ATP11A: variants seen among roughly 807,000 people sequenced by gnomAD.
ATP11A encodes the protein phospholipid-transporting ATPase IH.
In ATP11A, 81 loss-of-function variants were observed where a neutral mutation model predicts 154.4. The observed-to-expected ratio is 0.52, with a 90% CI of 0.44 to 0.63. The LOEUF is 0.63. Among genes scored for constraint, ATP11A ranks in the 30% least tolerant of loss-of-function variants. The pLI is 0.00. For missense variants in ATP11A, 1,316 were observed against 1,474.3 expected (o/e 0.89, Z 1.76); for synonymous variants, 623 against 585.9 (o/e 1.06, Z -0.91).
intron 19 of ATP11A, 31 bp from the exon 20 acceptor site, chr13:112,855,880 A>G: frequency 6.4e-7 from 1 of 1,564,910 alleles, no homozygotes; most frequent in Non-Finnish European, 8.7e-7. Context: ...TTAGTGATTG[A>G]GCAATCTTTC....
intron 2 of ATP11A, among the ~76,000 whole-genome samples, chr13:112,797,087 C>T (rs1404925826): frequency 2.0e-5 from 3 of 151,728 alleles, no homozygotes; most frequent in South Asian, 4.2e-4. Flanking sequence ...ATGGTGAAAC[C>T]CCGTCTGTAC....
intron 14 of ATP11A, among the ~76,000 whole-genome samples, chr13:112,833,794 T>C (rs2079159635): frequency 6.6e-6 from 1 of 152,212 alleles, no homozygotes; most frequent in African/African-American, 2.4e-5. Context: ...GCTGGGTTTC[T>C]CTCTTCTTGA....
chr13:112,738,710 G>A (rs1346550297), intron 1 of ATP11A, among the ~76,000 whole-genome samples: 1 of 114,966 alleles, frequency 8.7e-6, no homozygotes, highest in Non-Finnish European at 1.8e-5. Context: ...CCACCCACCT[G>A]CCTCCCCGTC....
chr13:112,762,252 G>A (rs530551967), intron 1 of ATP11A, among the ~76,000 whole-genome samples: 14 of 152,198 alleles, frequency 9.2e-5, no homozygotes, highest in African/African-American at 1.7e-4. Context: ...CTATCACAGC[G>A]AGGTTGGAAT....
intron 8 of ATP11A, 133 bp from the exon 9 acceptor site, chr13:112,823,212 C>A: frequency 2.8e-6 from 2 of 709,154 alleles, no homozygotes; most frequent in Admixed American, 2.2e-5. Context: ...TATAAGCAAA[C>A]CTCCGTGTAT....
At chr13:112,799,930 A>G (rs1450844327) in intron 2 of ATP11A, among the ~76,000 whole-genome samples, 2 of 152,254 alleles carry the variant, frequency 1.3e-5, no homozygotes, top group Non-Finnish European at 2.9e-5. Flanking sequence ...TAAACAAAAC[A>G]CTACTAAATA....
At position 112,875,150 on chromosome 13, in the gene ATP11A, CCA is replaced by C. The variant is rs1347090294; in HGVS notation, c.3162-620_3162-619del. ...CCTGCTTCCGTTTCCCTCCTGTTGT[CCA>C]CACACCAGTTTCACTGTGCTTCCTG... is the stretch of plus-strand genomic sequence containing the variant. On this transcript the variant is annotated intron_variant, in intron 27 of 29. Transcript: ENST00000375645. This position sits in a 1 kb window ranked among gnomAD's most constrained non-coding sequence, Gnocchi z 4.1. Among the ~76,000 whole-genome samples, 1 of 152,226 alleles carries C rather than the reference CCA, an allele frequency of 6.6e-6. No homozygotes were observed. Among genetic ancestry groups the C allele is most frequent in the Non-Finnish European group, 1.5e-5 (1 of 68,036 alleles).
At chr13:112,851,603 TCTAAAACTC>T (rs1222838978) in intron 18 of ATP11A, 1 of 161,410 alleles carries the variant, frequency 6.2e-6, no homozygotes, top group African/African-American at 2.4e-5. Context: ...CTCACTGCAG[TCTAAAACTC>T]CTAGGCTCAA....
rs745345146 is a variant in ATP11A, at chr13:112,825,523, C to T, written c.966C>T (p.Pro322=). 1 of 1,613,932 alleles carries T rather than the reference C, an allele frequency of 6.2e-7. No individual in the cohort carries two copies. The highest frequency in any genetic ancestry group is 1.7e-5 in the Admixed American group (1 of 60,012). Residue 322 remains proline, a synonymous_variant, in exon 11 of 30, where the codon CCC becomes CCT. Transcript: ENST00000375645. ...TVLKYMWQSE[P]FRDEPWYNQK... is the part of the protein sequence containing the mutation. The stretch of plus-strand genomic sequence containing the variant: ...TGAAATACATGTGGCAGAGTGAGCC[C>T]TTTCGGGATGAGCCGTGGTATAATC...
At position 112,813,971 on chromosome 13, in the gene ATP11A, T is replaced by C. The variant is rs537248637; in HGVS notation, c.442-2112T>C. Among the ~76,000 whole-genome samples the C allele has an allele frequency of 2.8e-4, 42 of 152,340 alleles. No homozygotes were observed. In the East Asian group the frequency reaches 7.9e-3, roughly 29 times the overall value. On this transcript the variant is annotated intron_variant, in intron 5 of 29. Coordinates refer to ENST00000375645, the MANE Select transcript of ATP11A (RefSeq NM_015205.3). ...CTAGATAGTAATACTTTGTCAGATA[T>C]ATGATTTTTAATACTCAGCAGGATA...
intron 14 of ATP11A, among the ~76,000 whole-genome samples, chr13:112,833,915 C>T (rs1009903830): frequency 6.6e-6 from 1 of 152,216 alleles, no homozygotes; most frequent in Non-Finnish European, 1.5e-5. Context: ...TTCCTCCAGC[C>T]GCTGCTCCCA....
chr13:112,877,736 T>C (rs1170695126), intron 28 of ATP11A, among the ~76,000 whole-genome samples: 1 of 151,876 alleles, frequency 6.6e-6, no homozygotes, highest in Non-Finnish European at 1.5e-5. Context: ...CCCGCAGGAG[T>C]CTGGGCTCTT....
Position 112,731,940 on chromosome 13 carries a change from G to GGC in ATP11A, c.39+41486_39+41487insCG, listed in dbSNP as rs201960382. On this transcript the variant is annotated intron_variant, in intron 1 of 29. Coordinates refer to ENST00000375645, the MANE Select transcript of ATP11A (RefSeq NM_015205.3). ...CTAGATGGTGGAGAAATGGGGGCGG[G>GGC]GGGGGGCAGGTGGCCCATGTTCCGG... Among the ~76,000 whole-genome samples, 81 of 145,002 alleles carry GGC rather than the reference G, an allele frequency of 5.6e-4. 1 individual carries two copies. The highest frequency in any genetic ancestry group is 3.6e-3 in the Middle Eastern group (1 of 280).
Position 112,690,405 on chromosome 13 carries a change from G to A in ATP11A, c.-12G>A. 7.7e-7 allele frequency: 1 copy of A among 1,301,710 alleles called. No individual in the cohort carries two copies. Among genetic ancestry groups the A allele is most frequent in the Non-Finnish European group, 9.8e-7 (1 of 1,024,918 alleles). The allele number at this position is 1,301,710 out of a possible 1,614,324, so 80.6% of individuals were successfully genotyped here. A position where few individuals can be genotyped will look rare whatever the true frequency, so the allele number is the denominator to read the frequency against. On this transcript the variant is annotated 5_prime_UTR_variant, in exon 1 of 30. Coordinates refer to ENST00000375645, the MANE Select transcript of ATP11A (RefSeq NM_015205.3). The surrounding 1 kb of genome is among the most constrained non-coding windows in gnomAD (Gnocchi z 5.6). ...GGCGCTGAACGGCGGAGCGGGAGCG[G>A]CCGGAGGAGCCATGGACTGCAGCCT...
At chr13:112,834,544 C>A in intron 14 of ATP11A, 45 bp from the exon 15 acceptor site, 1 of 1,257,358 alleles carries the variant, frequency 8.0e-7, no homozygotes, top group Non-Finnish European at 1.2e-6. Flanking sequence ...GAAAGAGGAA[C>A]ATCAGAATCT....
chr13:112,837,136 G>A (rs966015569), intron 16 of ATP11A, among the ~76,000 whole-genome samples: 5 of 152,154 alleles, frequency 3.3e-5, no homozygotes, highest in South Asian at 4.1e-4. Flanking sequence ...CGTGGGCTCC[G>A]TCTGCAGAGG....
rs1158791661 is a variant in ATP11A, at chr13:112,882,294, G to A, written c.*428G>A. ...ATGCAGAGGCCATTCCCCCAGGCCT[G>A]TGTCTTCACCCACCTGCCATCATTG... On this transcript the variant is annotated 3_prime_UTR_variant, in exon 30 of 30. Transcript: ENST00000375645. The surrounding 1 kb of genome is among the most constrained non-coding windows in gnomAD (Gnocchi z 5.1). 7.0e-6 allele frequency: 3 copies of A among 430,108 alleles called. No homozygotes were observed. Among genetic ancestry groups the A allele is most frequent in the African/African-American group, 2.1e-5 (1 of 48,312 alleles). 26.6% of individuals were successfully genotyped at this position (430,108 alleles called of 1,614,324 possible).
chr13:112,828,191 T>C (rs564060651), intron 12 of ATP11A, among the ~76,000 whole-genome samples: 71 of 132,962 alleles, frequency 5.3e-4, no homozygotes, highest in Non-Finnish European at 9.1e-4. Context: ...CCCAGCAGCA[T>C]TGAGTGCGGG....
chr13:112,748,018 C>T (rs1892376753), intron 1 of ATP11A, among the ~76,000 whole-genome samples: 1 of 152,200 alleles, frequency 6.6e-6, no homozygotes, highest in Non-Finnish European at 1.5e-5. Context: ...AAATTCCATT[C>T]ATAAGCTGTT....
Sources: allele counts gnomAD v4.1 joint callset (sites outside exome capture counted in the v4.1 genomes callset), GRCh38; gene constraint gnomAD v4.1.1; non-coding constraint Gnocchi (gnomAD v3.1); transcripts MANE v1.5; gene names NCBI Gene and HGNC (gene_info 2026-07-23, HGNC 2026-07-21).